Variants in DLG2 observed in about 807,000 individuals in gnomAD.
DLG2 encodes the protein disks large homolog 2.
DLG2 carries 45 observed loss-of-function variants against 132.5 expected under a neutral mutation model. The observed-to-expected ratio is 0.34, with a 90% CI of 0.27 to 0.44. The LOEUF is 0.44. Ranked by LOEUF, DLG2 falls within the 20% of genes least tolerant of loss-of-function variation. The pLI is 1.00. For synonymous variants in DLG2, 424 were observed against 419.6 expected (o/e 1.01, Z -0.13); for missense variants, 1,045 against 1,196.9 (o/e 0.87, Z 1.87).
intron 3 of DLG2, among the ~76,000 whole-genome samples, chr11:85,334,322 T>G (rs1203803692): frequency 1.3e-5 from 2 of 152,006 alleles, no homozygotes; most frequent in African/African-American, 4.8e-5. Flanking sequence ...TCTTCTCTCT[T>G]TTTTTATTTA....
intron 6 of DLG2, among the ~76,000 whole-genome samples, chr11:84,547,159 G>T (rs1486791553): frequency 6.6e-6 from 1 of 152,102 alleles, no homozygotes; most frequent in Non-Finnish European, 1.5e-5. Context: ...GTGAGTGTCT[G>T]TGATCTAGTA....
chr11:84,632,339 T>G (rs1565507180), intron 6 of DLG2, among the ~76,000 whole-genome samples: 1 of 151,810 alleles, frequency 6.6e-6, no homozygotes, highest in Non-Finnish European at 1.5e-5. Flanking sequence ...CAAAATAATA[T>G]ATTTAAAATC....
rs142511949 is a variant in DLG2, at chr11:84,436,674, AAT to A, written c.519+97894_519+97895del. On this transcript the variant is annotated intron_variant, in intron 7 of 27. Coordinates refer to ENST00000376104, the MANE Select transcript of DLG2 (RefSeq NM_001142699.3). ...CATCTTCTGTTATCTCCAAGCATGT[AAT>A]ATACCTTAGGACTTACAGGCCATTT... 3.0e-3 allele frequency among the ~76,000 whole-genome samples: 454 copies of A among 152,332 alleles called. 2 individuals carry two copies. Among genetic ancestry groups the A allele is most frequent in the Admixed American group, 5.9e-3 (90 of 15,306 alleles).
intron 20 of DLG2, among the ~76,000 whole-genome samples, chr11:83,537,013 A>G (rs1338948292): frequency 6.6e-6 from 1 of 152,184 alleles, no homozygotes; most frequent in Admixed American, 6.5e-5. Flanking sequence ...GAAGAGACAG[A>G]CCAAATCTCA....
intron 11 of DLG2, among the ~76,000 whole-genome samples, chr11:84,032,561 T>A (rs1206531937): frequency 6.6e-6 from 1 of 152,150 alleles, no homozygotes; most frequent in African/African-American, 2.4e-5. Flanking sequence ...AACATGAAAG[T>A]GCAAGGTGAA....
intron 17 of DLG2, among the ~76,000 whole-genome samples, chr11:83,798,778 TAC>T (rs2043525105): frequency 6.6e-6 from 1 of 152,196 alleles, no homozygotes; most frequent in African/African-American, 2.4e-5. Flanking sequence ...ACAGATGTAT[TAC>T]AGTGTATTAA....
At chr11:85,296,215 G>C (rs1387047766) in intron 3 of DLG2, among the ~76,000 whole-genome samples, 1 of 152,048 alleles carries the variant, frequency 6.6e-6, no homozygotes, top group Non-Finnish European at 1.5e-5. Flanking sequence ...CATAAGTATA[G>C]ATTTACTTAA....
intron 6 of DLG2, among the ~76,000 whole-genome samples, chr11:84,799,104 G>A (rs2075049848): frequency 6.6e-6 from 1 of 152,178 alleles, no homozygotes; most frequent in Non-Finnish European, 1.5e-5. Context: ...CAGTCCACTG[G>A]CTCTAGGCCC....
intron 6 of DLG2, among the ~76,000 whole-genome samples, chr11:84,823,710 T>C (rs2077992578): frequency 6.6e-6 from 1 of 151,822 alleles, no homozygotes; most frequent in Non-Finnish European, 1.5e-5. Context: ...TCCATATTTC[T>C]TTTTATTTGG....
At chr11:84,844,498 T>C (rs1457742683) in intron 6 of DLG2, among the ~76,000 whole-genome samples, 1 of 151,932 alleles carries the variant, frequency 6.6e-6, no homozygotes, top group East Asian at 1.9e-4. Flanking sequence ...CTGGATCATT[T>C]CTATCTCTAC....
rs548398433 is a variant in DLG2, at chr11:85,399,531, T to C, written c.41-114166A>G. 1.3e-4 allele frequency among the ~76,000 whole-genome samples: 20 copies of C among 152,190 alleles called. No individual in the cohort carries two copies. In the South Asian group the frequency reaches 4.2e-3, roughly 32 times the overall value. Reference sequence around the variant, plus strand: ...CATCACGCTACCTGACTTCAAACTATACTACAAGGCTACAGTAACCAAAAC... The same window carrying C: ...CATCACGCTACCTGACTTCAAACTACACTACAAGGCTACAGTAACCAAAAC... On this transcript the variant is annotated intron_variant, in intron 3 of 27. Coordinates refer to ENST00000376104, the MANE Select transcript of DLG2 (RefSeq NM_001142699.3).
At chr11:85,305,682 T>G (rs556461334) in intron 3 of DLG2, among the ~76,000 whole-genome samples, 2 of 152,130 alleles carry the variant, frequency 1.3e-5, no homozygotes, top group Admixed American at 1.3e-4. Context: ...CTGGCTAATT[T>G]TTTGTATTTT....
At chr11:85,205,146 GTATATA>G (rs376041155) in intron 4 of DLG2, among the ~76,000 whole-genome samples, 1 of 141,702 alleles carries the variant, frequency 7.1e-6, no homozygotes, top group South Asian at 2.2e-4. Flanking sequence ...ATATGTGTGT[GTATATA>G]TATATATATA....
chr11:83,918,769 G>T (rs1450124616), intron 15 of DLG2, among the ~76,000 whole-genome samples: 10 of 152,246 alleles, frequency 6.6e-5, no homozygotes, highest in South Asian at 4.1e-4. Flanking sequence ...AAAGGGCAGA[G>T]TGGGGATCTC....
At position 84,611,329 on chromosome 11, in the gene DLG2, C is replaced by T. The variant is rs114606767; in HGVS notation, c.358-76598G>A. Reference sequence around the variant, plus strand: ...GTCCATATGCCAGTTTCTACATTGACAGTAGAGAAAACGCCATTTACTAAG... The same window carrying T: ...GTCCATATGCCAGTTTCTACATTGATAGTAGAGAAAACGCCATTTACTAAG... On this transcript the variant is annotated intron_variant, in intron 6 of 27. Coordinates refer to ENST00000376104, the MANE Select transcript of DLG2 (RefSeq NM_001142699.3). 2.3e-3 allele frequency among the ~76,000 whole-genome samples: 355 copies of T among 152,186 alleles called. 3 individuals are homozygous for T. The highest frequency in any genetic ancestry group is 8.3e-3 in the African/African-American group (346 of 41,536).
At chr11:84,298,577 C>G (rs759278221) in intron 7 of DLG2, among the ~76,000 whole-genome samples, 4 of 152,184 alleles carry the variant, frequency 2.6e-5, no homozygotes, top group Non-Finnish European at 5.9e-5. Context: ...ATAAGGTATA[C>G]TTTGTTTTCT....
chr11:83,825,702 G>T (rs773000489), intron 17 of DLG2, among the ~76,000 whole-genome samples: 31 of 152,086 alleles, frequency 2.0e-4, no homozygotes, highest in Non-Finnish European at 3.7e-4. Context: ...CTGCTGCTCC[G>T]TCCCCACTCA....
At chr11:84,518,329 A>G (rs2099279880) in intron 7 of DLG2, among the ~76,000 whole-genome samples, 1 of 152,086 alleles carries the variant, frequency 6.6e-6, no homozygotes, top group South Asian at 2.1e-4. Flanking sequence ...TGACAGAGAA[A>G]CTAAAAAAGA....
chr11:85,474,209 C>T (rs919537188), intron 3 of DLG2, among the ~76,000 whole-genome samples: 10 of 151,910 alleles, frequency 6.6e-5, no homozygotes, highest in Admixed American at 4.6e-4. Context: ...GATAAAGAAG[C>T]TATTTATGTA....
Sources: gnomAD v4.1 joint callset for allele counts (sites outside exome capture counted in the v4.1 genomes callset) on GRCh38, gnomAD v4.1.1 for gene constraint, MANE v1.5 for transcripts, NCBI Gene and HGNC (gene_info 2026-07-23, HGNC 2026-07-21) for gene names.